SDK1: variants seen among roughly 807,000 people sequenced by gnomAD.
The protein encoded by SDK1 is sidekick cell adhesion molecule 1.
SDK1 carries 157 observed loss-of-function variants against 245.5 expected under a neutral mutation model. The ratio of observed to expected loss-of-function variants is 0.64; its 90% CI spans 0.56 to 0.73. The LOEUF is 0.73. Ranked by LOEUF, SDK1 falls within the 30% of genes least tolerant of loss-of-function variation. The pLI, the probability that SDK1 is intolerant of heterozygous loss-of-function variation, is 0.00. For missense variants in SDK1, 3,583 were observed against 3,002.3 expected, an observed-to-expected ratio of 1.19 and a Z score of -4.52; for synonymous variants, 1,647 against 1,278.5, an observed-to-expected ratio of 1.29 and a Z score of -6.15.
At chr7:3,504,021 G>T (rs531003763) in intron 1 of SDK1, among the ~76,000 whole-genome samples, 5 of 151,812 alleles carry the variant, frequency 3.3e-5, no homozygotes, top group Admixed American at 3.3e-4. Flanking sequence ...ATGGTGGCAC[G>T]TGCCTGTAGT....
At chr7:3,803,954 C>CG (rs1277787283) in intron 4 of SDK1, among the ~76,000 whole-genome samples, 1 of 151,724 alleles carries the variant, frequency 6.6e-6, no homozygotes, top group Non-Finnish European at 1.5e-5. Flanking sequence ...TTAGTAGAGA[C>CG]GGGGTTTCAC....
chr7:3,596,267 G>C (rs1319557236), intron 1 of SDK1, among the ~76,000 whole-genome samples: 1 of 152,086 alleles, frequency 6.6e-6, no homozygotes, highest in East Asian at 1.9e-4. Context: ...AGTAATAGGA[G>C]AAATGAAATT....
rs1305016593 is a variant in SDK1 at position 3,802,041 on chromosome 7, C to G, written c.714-19409C>G. Among the ~76,000 whole-genome samples the G allele has an allele frequency of 2.6e-5, 4 of 152,198 alleles. No individual in the cohort carries two copies. The East Asian group carries it at 7.7e-4, about 29-fold the overall frequency. On this transcript the variant is annotated intron_variant, in intron 4 of 44. Transcript: ENST00000404826. ...TACTTTTTAACTTTTTACTGTGAAACTGTACTTAATTATACATTCACAGAA... is the reference window on the plus strand; with the variant it reads ...TACTTTTTAACTTTTTACTGTGAAAGTGTACTTAATTATACATTCACAGAA...
intron 36 of SDK1, 40 bp downstream of exon 36, chr7:4,206,034 G>C (rs2128227187): frequency 7.4e-7 from 1 of 1,348,994 alleles, no homozygotes; most frequent in African/African-American, 1.5e-5. Context: ...TGGCTCGCTT[G>C]GGCACCCCTC....
intron 1 of SDK1, among the ~76,000 whole-genome samples, chr7:3,511,512 T>C (rs1782576834): frequency 6.6e-6 from 1 of 152,190 alleles, no homozygotes; most frequent in Admixed American, 6.6e-5. Context: ...ATTAGGAAAA[T>C]TTATTAGTCA....
At chr7:3,880,077 C>T (rs1032886747) in intron 5 of SDK1, among the ~76,000 whole-genome samples, 1 of 152,128 alleles carries the variant, frequency 6.6e-6, no homozygotes, top group East Asian at 1.9e-4. Flanking sequence ...TCCTGGATGC[C>T]AAGGTCAATC....
At chr7:4,020,562 T>A (rs1328070608) in intron 17 of SDK1, among the ~76,000 whole-genome samples, 1 of 151,974 alleles carries the variant, frequency 6.6e-6, no homozygotes, top group Non-Finnish European at 1.5e-5. Flanking sequence ...ATGCAATGAA[T>A]GGGACAGAAA....
chr7:3,496,883 C>T (rs866136420), intron 1 of SDK1, among the ~76,000 whole-genome samples: 1 of 152,138 alleles, frequency 6.6e-6, no homozygotes, highest in Non-Finnish European at 1.5e-5. Flanking sequence ...GTTAGTAGTG[C>T]TTGACGTGAT....
intron 1 of SDK1, among the ~76,000 whole-genome samples, chr7:3,549,669 A>G (rs1239625702): frequency 6.6e-6 from 1 of 152,134 alleles, no homozygotes; most frequent in Non-Finnish European, 1.5e-5. Context: ...GACTTAGGCT[A>G]TTGTAAATAA....
intron 4 of SDK1, among the ~76,000 whole-genome samples, chr7:3,662,967 C>G (rs1783412637): frequency 6.6e-6 from 1 of 152,052 alleles, no homozygotes; most frequent in East Asian, 1.9e-4. Context: ...GTATGCTCAA[C>G]CTGTAATATG....
chr7:3,592,171 CTTTA>C (rs1009242166), intron 1 of SDK1, among the ~76,000 whole-genome samples: 5 of 152,194 alleles, frequency 3.3e-5, no homozygotes, highest in Non-Finnish European at 7.3e-5. Flanking sequence ...CCTGCTGATA[CTTTA>C]TTTCTTTAGA....
chr7:3,410,578 C>CTTTTT lies in SDK1; in HGVS notation c.298+108715_298+108719dup, dbSNP rs776277920. Among the ~76,000 whole-genome samples the CTTTTT allele has an allele frequency of 2.0e-3, 161 of 82,054 alleles. 2 individuals are homozygous for CTTTTT. The highest frequency in any genetic ancestry group is 3.0e-3 in the Non-Finnish European group (136 of 44,992). The allele number at this position is 82,054 out of a possible 152,430, so 53.8% of individuals were successfully genotyped here. A position where few individuals can be genotyped will look rare whatever the true frequency, so the allele number is the denominator to read the frequency against. ...TCATAAGTGGCAGGTGAAATGATAT[C>CTTTTT]TTTTTTTTTTTTTTTTTTTTTTTTT... On this transcript the variant is annotated intron_variant, in intron 1 of 44. Coordinates refer to ENST00000404826, the MANE Select transcript of SDK1 (RefSeq NM_152744.4).
chr7:3,996,051 A>G lies in SDK1; in HGVS notation c.2131+8729A>G, dbSNP rs549442356. ...TGTTTATAAAGGTTTAATTTTTAATATATTTAACTCTCTAATTTTTCTGGA... is the reference window on the plus strand; with the variant it reads ...TGTTTATAAAGGTTTAATTTTTAATGTATTTAACTCTCTAATTTTTCTGGA... On this transcript the variant is annotated intron_variant, in intron 14 of 44. Transcript: ENST00000404826. Among the ~76,000 whole-genome samples, 5 of 152,170 alleles carry G rather than the reference A, an allele frequency of 3.3e-5. No homozygotes were observed. In the South Asian group the frequency reaches 1.0e-3, roughly 32 times the overall value.
At chr7:4,050,863 T>C (rs116303559) in intron 18 of SDK1, among the ~76,000 whole-genome samples, 1,811 of 144,706 alleles carry the variant, frequency 0.013, 38 homozygotes, top group African/African-American at 0.037. Flanking sequence ...TATTATATAC[T>C]ATATGGTATA....
chr7:3,330,483 C>G (rs74907693), intron 1 of SDK1, among the ~76,000 whole-genome samples: 3 of 152,076 alleles, frequency 2.0e-5, no homozygotes, highest in East Asian at 1.9e-4. Context: ...AGGGTGAGGC[C>G]TCCATGATGA....
At chr7:3,362,959 G>A (rs1780993256) in intron 1 of SDK1, among the ~76,000 whole-genome samples, 1 of 152,156 alleles carries the variant, frequency 6.6e-6, no homozygotes, top group African/African-American at 2.4e-5. Context: ...GCGGTTATAA[G>A]AAATAATACA....
intron 5 of SDK1, among the ~76,000 whole-genome samples, chr7:3,860,564 A>G (rs1780666058): frequency 6.6e-6 from 1 of 152,180 alleles, no homozygotes; most frequent in African/African-American, 2.4e-5. Context: ...TTGATGTGTA[A>G]ATTAATACAG....
chr7:3,681,444 A>G (rs758053214), intron 4 of SDK1, among the ~76,000 whole-genome samples: 1 of 152,176 alleles, frequency 6.6e-6, no homozygotes, highest in African/African-American at 2.4e-5. Context: ...GTACTTGTGG[A>G]CATCTTTCTG....
intron 13 of SDK1, among the ~76,000 whole-genome samples, chr7:3,983,558 TATAAACAGAA>T (rs1640714922): frequency 6.6e-6 from 1 of 152,172 alleles, no homozygotes; most frequent in Non-Finnish European, 1.5e-5. Context: ...TGCAGTAGAG[TATAAACAGAA>T]CTTTTATATG....
Sources: allele counts gnomAD v4.1 joint callset (sites outside exome capture counted in the v4.1 genomes callset), GRCh38; gene constraint gnomAD v4.1.1; transcripts MANE v1.5; gene names NCBI Gene and HGNC (gene_info 2026-07-23, HGNC 2026-07-21).